Variants in PRKG1 observed in about 807,000 individuals in gnomAD.
PRKG1 encodes the protein protein kinase cGMP-dependent 1, also known as cGMP-dependent protein kinase 1.
A neutral mutation model predicts 88.1 loss-of-function variants in PRKG1; 35 were observed. The observed-to-expected ratio is 0.40, with a 90% CI of 0.30 to 0.53. The LOEUF is 0.53. PRKG1 is among the 20% of genes least tolerant of loss of function. The pLI is 0.59. For missense variants in PRKG1, 540 were observed against 839.8 expected, an observed-to-expected ratio of 0.64 and a Z score of 4.41; for synonymous variants, 303 against 292.5, an observed-to-expected ratio of 1.04 and a Z score of -0.37.
At chr10:52,082,967 T>C (rs559178750) in intron 7 of PRKG1, among the ~76,000 whole-genome samples, 1 of 152,232 alleles carries the variant, frequency 6.6e-6, no homozygotes, top group South Asian at 2.1e-4. Context: ...TTTAGAGATA[T>C]ATGCTGGATA....
chr10:51,481,766 T>C (rs911458358), intron 3 of PRKG1, among the ~76,000 whole-genome samples: 6 of 151,698 alleles, frequency 4.0e-5, no homozygotes. Flanking sequence ...TTAGTGCTAA[T>C]ATCTTCTGCT....
intron 4 of PRKG1, among the ~76,000 whole-genome samples, chr10:51,859,798 C>G (rs1840822900): frequency 1.3e-5 from 2 of 152,160 alleles, no homozygotes; most frequent in Non-Finnish European, 2.9e-5. Flanking sequence ...CTTTAACATT[C>G]CACACTAGTT....
chr10:52,112,797 A>G (rs1847595068), intron 7 of PRKG1, among the ~76,000 whole-genome samples: 1 of 152,194 alleles, frequency 6.6e-6, no homozygotes, highest in Non-Finnish European at 1.5e-5. Context: ...GAATAGGATT[A>G]TCAAAGGCTC....
At chr10:52,089,776 TA>T (rs2133320277) in intron 7 of PRKG1, among the ~76,000 whole-genome samples, 1 of 149,206 alleles carries the variant, frequency 6.7e-6, no homozygotes, top group East Asian at 2.0e-4. Context: ...CCAACACATC[TA>T]GGGCTTAGAT....
chr10:51,438,435 A>G (rs1231787910), intron 2 of PRKG1, among the ~76,000 whole-genome samples: 3 of 151,886 alleles, frequency 2.0e-5, no homozygotes, highest in African/African-American at 7.2e-5. Flanking sequence ...ATATATCCTT[A>G]GGCTCTTCTT....
At position 51,947,486 on chromosome 10, in the gene PRKG1, G is replaced by A. The variant is rs540525960; in HGVS notation, c.762+39916G>A. Among the ~76,000 whole-genome samples, 412 of 152,244 alleles carry A rather than the reference G, an allele frequency of 2.7e-3. 3 individuals carry two copies. Among genetic ancestry groups the A allele is most frequent in the African/African-American group, 9.4e-3 (389 of 41,554 alleles). On this transcript the variant is annotated intron_variant, in intron 5 of 17. Coordinates refer to ENST00000373980, the MANE Select transcript of PRKG1 (RefSeq NM_006258.4). ...CTGCACCCACTGTCTTCCGCCCACT[G>A]TCTGGCACTCCCTAGTGAGATGAAC...
chr10:51,486,502 A>C (rs1466608077), intron 3 of PRKG1, among the ~76,000 whole-genome samples: 2 of 152,176 alleles, frequency 1.3e-5, no homozygotes, highest in Non-Finnish European at 2.9e-5. Flanking sequence ...CTTTTAAAAT[A>C]CACTAAACTT....
chr10:51,764,749 C>CA, intron 3 of PRKG1, among the ~76,000 whole-genome samples: 1 of 152,184 alleles, frequency 6.6e-6, no homozygotes, highest in South Asian at 2.1e-4. Flanking sequence ...GGTCTCCCCC[C>CA]AAAATTAGGT....
intron 2 of PRKG1, among the ~76,000 whole-genome samples, chr10:51,352,468 A>T (rs1842271847): frequency 6.6e-6 from 1 of 152,098 alleles, no homozygotes; most frequent in Non-Finnish European, 1.5e-5. Context: ...CTGAAAAGGA[A>T]ATTTTAAAAG....
At chr10:51,912,234 G>GACT (rs1476233391) in intron 5 of PRKG1, among the ~76,000 whole-genome samples, 1 of 152,232 alleles carries the variant, frequency 6.6e-6, no homozygotes, top group East Asian at 1.9e-4. Context: ...GATGGTGGTA[G>GACT]TGTGTTGAGA....
intron 5 of PRKG1, among the ~76,000 whole-genome samples, chr10:52,042,886 A>G (rs1424101011): frequency 6.6e-6 from 1 of 152,128 alleles, no homozygotes; most frequent in East Asian, 1.9e-4. Flanking sequence ...CAATAAAAAA[A>G]CAAATAACTT....
intron 3 of PRKG1, among the ~76,000 whole-genome samples, chr10:51,495,158 G>C (rs888695545): frequency 6.6e-6 from 1 of 151,956 alleles, no homozygotes; most frequent in Non-Finnish European, 1.5e-5. Context: ...GCAGTGGCAC[G>C]ATCTTGGCTC....
intron 9 of PRKG1, among the ~76,000 whole-genome samples, chr10:52,185,427 G>A (rs2132739210): frequency 6.6e-6 from 1 of 152,252 alleles, no homozygotes; most frequent in South Asian, 2.1e-4. Flanking sequence ...GGCTTTGCAG[G>A]GTGTACCCCC....
rs919614839 is a variant in PRKG1, at chr10:51,420,724, C to G, written c.479-46999C>G. On this transcript the variant is annotated intron_variant, in intron 2 of 17. Transcript: ENST00000373980. ...TTCTTGCCTTGCTCTAAAGAAATAC[C>G]TGAGACTGGGTAATTTGTTAAAACA... 3.3e-5 allele frequency among the ~76,000 whole-genome samples: 5 copies of G among 152,152 alleles called. No individual in the cohort carries two copies. The East Asian group carries it at 7.7e-4, about 23-fold the overall frequency.
chr10:52,037,782 G>A (rs551372463), intron 5 of PRKG1, among the ~76,000 whole-genome samples: 7 of 152,296 alleles, frequency 4.6e-5, no homozygotes, highest in Admixed American at 3.9e-4. Flanking sequence ...AGAGGCTGAG[G>A]AAGAATTGGG....
intron 4 of PRKG1, among the ~76,000 whole-genome samples, chr10:51,885,003 A>G (rs1841533777): frequency 6.6e-6 from 1 of 152,218 alleles, no homozygotes; most frequent in Admixed American, 6.5e-5. Context: ...TCTCAGTGCT[A>G]TAAGGAATAG....
chr10:51,134,518 A>G (rs1564613416), intron 1 of PRKG1, among the ~76,000 whole-genome samples: 1 of 152,166 alleles, frequency 6.6e-6, no homozygotes, highest in African/African-American at 2.4e-5. Context: ...CAAGTACTTT[A>G]TGTTACTGTA....
At chr10:51,073,514 G>A (rs142245452), upstream of PRKG1, among the ~76,000 whole-genome samples, 4 of 152,216 alleles carry the variant, frequency 2.6e-5, no homozygotes, top group East Asian at 7.7e-4. Flanking sequence ...GCAAATGGAA[G>A]AAGCAAGGCC....
At chr10:51,941,535 C>T (rs1463935646) in intron 5 of PRKG1, among the ~76,000 whole-genome samples, 2 of 151,774 alleles carry the variant, frequency 1.3e-5, no homozygotes, top group African/African-American at 2.4e-5. Context: ...ATGTGCCATG[C>T]TGGTGTGCTG....
Sources: allele counts gnomAD v4.1 joint callset (sites outside exome capture counted in the v4.1 genomes callset), GRCh38; gene constraint gnomAD v4.1.1; transcripts MANE v1.5; gene names NCBI Gene and HGNC (gene_info 2026-07-23, HGNC 2026-07-21).